GNAZ: variants seen among roughly 807,000 people sequenced by gnomAD.
GNAZ encodes the protein guanine nucleotide-binding protein G(z) subunit alpha.
GNAZ carries 3 observed loss-of-function variants against 25.4 expected under a neutral mutation model. The ratio of observed to expected loss-of-function variants is 0.12; its 90% CI spans 0.05 to 0.30. The LOEUF (loss-of-function observed/expected upper bound fraction) is 0.30, where lower values mean the gene tolerates loss of function less well. GNAZ is among the 10% of genes least tolerant of loss of function. The pLI, the probability that GNAZ is intolerant of heterozygous loss-of-function variation, is 1.00. For missense variants in GNAZ, 241 were observed against 501.8 expected (o/e 0.48, Z 4.97); for synonymous variants, 211 against 205.7 (o/e 1.03, Z -0.22).
intron 1 of GNAZ, among the ~76,000 whole-genome samples, chr22:23,092,643 G>A (rs1054697887): frequency 2.0e-5 from 3 of 152,162 alleles, no homozygotes; most frequent in African/African-American, 7.2e-5. Context: ...AAGACTGCAT[G>A]AGCAGCCCTT....
At chr22:23,086,388 G>A (rs976569169) in intron 1 of GNAZ, among the ~76,000 whole-genome samples, 3 of 152,250 alleles carry the variant, frequency 2.0e-5, no homozygotes, top group Non-Finnish European at 4.4e-5. Context: ...GATGACGTGT[G>A]TGAGCAAAGC....
intron 2 of GNAZ, among the ~76,000 whole-genome samples, chr22:23,097,983 T>C (rs2069176216): frequency 6.6e-6 from 1 of 152,258 alleles, no homozygotes; most frequent in Non-Finnish European, 1.5e-5. Context: ...GGAGGCAGGA[T>C]ACCTGGGTCC....
At chr22:23,099,332 C>G (rs560660861) in intron 2 of GNAZ, among the ~76,000 whole-genome samples, 6 of 152,250 alleles carry the variant, frequency 3.9e-5, no homozygotes, top group African/African-American at 1.4e-4. Flanking sequence ...TCCATGGCCA[C>G]GGTTCCCACC....
intron 2 of GNAZ, among the ~76,000 whole-genome samples, chr22:23,106,397 C>T (rs567702688): frequency 6.6e-6 from 1 of 152,350 alleles, no homozygotes; most frequent in Admixed American, 6.5e-5. Context: ...GGGTGAAGCC[C>T]AGCTGAGGCA....
chr22:23,070,658 G>C (rs2068338744), intron 1 of GNAZ, 88 bp downstream of exon 1: 1 of 152,136 alleles, frequency 6.6e-6, no homozygotes, highest in Admixed American at 6.5e-5. Context: ...CCCCCACTTG[G>C]GACTCTTCCC....
intron 2 of GNAZ, among the ~76,000 whole-genome samples, chr22:23,100,739 G>T (rs1002454565): frequency 1.3e-5 from 2 of 152,210 alleles, no homozygotes; most frequent in Non-Finnish European, 2.9e-5. Flanking sequence ...GGCGGGAGGC[G>T]GTAGGCTTGG....
At chr22:23,104,059 G>C (rs542220873) in intron 2 of GNAZ, among the ~76,000 whole-genome samples, 2 of 152,092 alleles carry the variant, frequency 1.3e-5, no homozygotes, top group Non-Finnish European at 2.9e-5. Flanking sequence ...TGGGATGAAC[G>C]TGGGGGTGGT....
At chr22:23,109,411 T>A (rs909902366) in intron 2 of GNAZ, among the ~76,000 whole-genome samples, 3 of 151,944 alleles carry the variant, frequency 2.0e-5, no homozygotes, top group Non-Finnish European at 4.4e-5. Context: ...TCCTCTCAGG[T>A]CTTTTTGGGA....
intron 1 of GNAZ, among the ~76,000 whole-genome samples, chr22:23,073,607 G>A (rs577194263): frequency 2.4e-4 from 37 of 152,310 alleles, no homozygotes; most frequent in South Asian, 8.3e-4. Flanking sequence ...TGGCCCTTTC[G>A]TGCGAACACC....
In GNAZ at chr22:23,079,377, G is replaced by C. The variant is rs541337941; in HGVS notation, c.-450+8807G>C. ...TTCTGGACAAAGAGTTTTCCAGGAG[G>C]AAGGAACAGCCAGTGCACAGGCCCT... is the stretch of plus-strand genomic sequence containing the variant. On this transcript the variant is annotated intron_variant, in intron 1 of 2. Coordinates refer to ENST00000615612, the MANE Select transcript of GNAZ (RefSeq NM_002073.4). 2.8e-4 allele frequency among the ~76,000 whole-genome samples: 43 copies of C among 152,336 alleles called. 1 individual carries two copies. In the South Asian group the frequency reaches 8.5e-3, roughly 30 times the overall value.
chr22:23,074,560 G>A (rs538306585), intron 1 of GNAZ, among the ~76,000 whole-genome samples: 99 of 152,304 alleles, frequency 6.5e-4, no homozygotes, highest in African/African-American at 2.2e-3. Flanking sequence ...GCAACCTGGA[G>A]CCCCTGGCAC....
At chr22:23,080,612 TG>T (rs758528990) in intron 1 of GNAZ, among the ~76,000 whole-genome samples, 13 of 152,148 alleles carry the variant, frequency 8.5e-5, no homozygotes, top group Non-Finnish European at 1.5e-4. Context: ...AGGCAGGTTG[TG>T]GGGAGAGTGT....
At chr22:23,114,499 C>T (rs547508341) in intron 2 of GNAZ, among the ~76,000 whole-genome samples, 5 of 152,244 alleles carry the variant, frequency 3.3e-5, no homozygotes, top group South Asian at 2.1e-4. Flanking sequence ...CCAGTCAAAA[C>T]GTCCTGCTCT....
Position 23,096,208 on chromosome 22 carries a change from T to A in GNAZ, c.513T>A (p.Thr171=). 6.2e-7 allele frequency: 1 copy of A among 1,613,752 alleles called. No individual in the cohort carries two copies. ...ERIAAADYIP[T]VEDILRSRDM... ...TCGCCGCAGCTGACTATATCCCCAC[T>A]GTCGAGGACATCCTGCGCTCCCGGG... The change falls in exon 2 of 3, where the codon ACT becomes ACA. Residue 171 remains threonine, a synonymous_variant. Coordinates refer to ENST00000615612, the MANE Select transcript of GNAZ (RefSeq NM_002073.4).
chr22:23,091,701 C>T (rs796116606), intron 1 of GNAZ, among the ~76,000 whole-genome samples: 2 of 152,350 alleles, frequency 1.3e-5, no homozygotes, highest in African/African-American at 2.4e-5. Flanking sequence ...CACACACGCA[C>T]CGCAATGGAC....
In GNAZ at chr22:23,071,210, G is replaced by A. The variant is rs1169207083; in HGVS notation, c.-450+640G>A. ...AATATTTTTTCCCTTAAAAGGCGGTGGGGGTGTTTGGGGGAGGGGAGTGAG... is the reference window on the plus strand; with the variant it reads ...AATATTTTTTCCCTTAAAAGGCGGTAGGGGTGTTTGGGGGAGGGGAGTGAG... On this transcript the variant is annotated intron_variant, in intron 1 of 2. Coordinates refer to ENST00000615612, the MANE Select transcript of GNAZ (RefSeq NM_002073.4). The surrounding 1 kb of genome is among the most constrained non-coding windows in gnomAD (Gnocchi z 4.1). 1.3e-5 allele frequency among the ~76,000 whole-genome samples: 2 copies of A among 152,198 alleles called. No individual in the cohort carries two copies. Among genetic ancestry groups the A allele is most frequent in the African/African-American group, 2.4e-5 (1 of 41,448 alleles).
chr22:23,110,648 G>A (rs2069618040), intron 2 of GNAZ, among the ~76,000 whole-genome samples: 1 of 152,274 alleles, frequency 6.6e-6, no homozygotes, highest in African/African-American at 2.4e-5. Flanking sequence ...CCCAGCTCAA[G>A]GGTCAGCAGC....
intron 1 of GNAZ, among the ~76,000 whole-genome samples, chr22:23,072,081 T>TCTTGCAGTC (rs1374333855): frequency 2.1e-4 from 32 of 152,104 alleles, no homozygotes; most frequent in Non-Finnish European, 4.3e-4. Context: ...AAGAGCTAGC[T>TCTTGCAGTC]TTAAAGACTG....
intron 1 of GNAZ, among the ~76,000 whole-genome samples, chr22:23,076,842 G>A (rs1254326717): frequency 6.6e-6 from 1 of 152,262 alleles, no homozygotes; most frequent in Non-Finnish European, 1.5e-5. Context: ...TCTCAGGCCA[G>A]TAGAGGAGCT....
Sources: gnomAD v4.1 joint callset for allele counts (sites outside exome capture counted in the v4.1 genomes callset) on GRCh38, gnomAD v4.1.1 for gene constraint, Gnocchi (gnomAD v3.1) non-coding constraint, MANE v1.5 for transcripts, NCBI Gene and HGNC (gene_info 2026-07-23, HGNC 2026-07-21) for gene names.